SSPN: variants seen among roughly 807,000 people sequenced by gnomAD.
SSPN encodes the protein sarcospan.
SSPN carries 15 observed loss-of-function variants against 19.1 expected under a neutral mutation model. The ratio of observed to expected loss-of-function variants is 0.78; its 90% CI spans 0.52 to 1.21. The LOEUF (loss-of-function observed/expected upper bound fraction) is 1.21, where lower values mean the gene tolerates loss of function less well. SSPN is among the 50% of genes most tolerant of loss of function. The pLI, the probability that SSPN is intolerant of heterozygous loss-of-function variation, is 0.00. For synonymous variants in SSPN, 147 were observed against 140.3 expected (o/e 1.05, Z -0.34); for missense variants, 291 against 314.0 (o/e 0.93, Z 0.55).
intron 1 of SSPN, among the ~76,000 whole-genome samples, chr12:26,211,985 C>G (rs565092618): frequency 1.3e-3 from 200 of 152,236 alleles, no homozygotes; most frequent in South Asian, 2.3e-3. Context: ...CCAATCAGAA[C>G]TTTTATCACA....
intron 1 of SSPN, chr12:26,122,418 A>G (rs1451143377): frequency 1.1e-4 from 142 of 1,319,126 alleles, no homozygotes; most frequent in Non-Finnish European, 1.3e-4. Flanking sequence ...CTTGTCCAGG[A>G]AGGGCTGCAC....
chr12:26,156,656 A>G (rs751485627), intron 1 of SSPN, among the ~76,000 whole-genome samples: 1 of 152,210 alleles, frequency 6.6e-6, no homozygotes, highest in Non-Finnish European at 1.5e-5. Flanking sequence ...AAGATTCCAG[A>G]CAATTGACAC....
Position 26,195,894 on chromosome 12 carries a change from G to A in SSPN, c.222G>A (p.Met74Ile), listed in dbSNP as rs142449262. 1.9e-6 allele frequency: 3 copies of A among 1,578,574 alleles called. No homozygotes were observed. Among genetic ancestry groups the A allele is most frequent in the Non-Finnish European group, 2.6e-6 (3 of 1,165,264 alleles). Residue 74 changes from methionine to isoleucine, a missense_variant, in exon 1 of 3, where the codon ATG becomes ATA. Transcript: ENST00000242729. ...GIAVTVVGFL[M>I]ASISSSLLVR... Reference sequence around the variant, plus strand: ...CCGTGACCGTGGTGGGCTTCCTCATGGCGAGCATCAGCTCCTCCCTGCTAG... The same window carrying A: ...CCGTGACCGTGGTGGGCTTCCTCATAGCGAGCATCAGCTCCTCCCTGCTAG...
intron 1 of SSPN, among the ~76,000 whole-genome samples, chr12:26,163,194 G>T (rs1341290660): frequency 1.3e-5 from 2 of 152,062 alleles, no homozygotes; most frequent in Admixed American, 6.6e-5. Context: ...AAGAGGGAAG[G>T]TGTAGACCTG....
intron 1 of SSPN, among the ~76,000 whole-genome samples, chr12:26,199,065 A>G (rs569555529): frequency 7.2e-5 from 11 of 152,292 alleles, no homozygotes; most frequent in Admixed American, 5.9e-4. Flanking sequence ...TCATGTGGTC[A>G]TCACTTCATT....
At chr12:26,223,346 G>A (rs1222847517) in intron 1 of SSPN, among the ~76,000 whole-genome samples, 1 of 152,170 alleles carries the variant, frequency 6.6e-6, no homozygotes, top group Non-Finnish European at 1.5e-5. Context: ...GAGTACCTGG[G>A]ATTACAGGTG....
intron 1 of SSPN, among the ~76,000 whole-genome samples, chr12:26,141,542 C>G (rs192401813): frequency 6.6e-6 from 1 of 152,320 alleles, no homozygotes; most frequent in Non-Finnish European, 1.5e-5. Flanking sequence ...ACAACTTTCT[C>G]CTCTAGATCC....
At chr12:26,199,102 T>A (rs1473383236) in intron 1 of SSPN, among the ~76,000 whole-genome samples, 1 of 152,212 alleles carries the variant, frequency 6.6e-6, no homozygotes, top group Non-Finnish European at 1.5e-5. Flanking sequence ...CCCATTAACT[T>A]GGAATTTGGG....
At chr12:26,155,983 A>G (rs957471473) in intron 1 of SSPN, among the ~76,000 whole-genome samples, 1 of 152,212 alleles carries the variant, frequency 6.6e-6, no homozygotes, top group Non-Finnish European at 1.5e-5. Flanking sequence ...GGGCTGAGAA[A>G]AGATGATGAA....
At chr12:26,133,035 T>C (rs1944405082) in intron 1 of SSPN, among the ~76,000 whole-genome samples, 2 of 152,222 alleles carry the variant, frequency 1.3e-5, no homozygotes. Context: ...AATGGTTTCA[T>C]ACAAGAATAT....
chr12:26,208,867 A>G (rs4963972), intron 1 of SSPN, among the ~76,000 whole-genome samples: 24,680 of 152,050 alleles, frequency 0.16, 2,702 homozygotes, highest in Admixed American at 0.31. Context: ...TCAAGTTTCC[A>G]TATTAGATTT....
chr12:26,185,541 A>G (rs1469782603), intron 1 of SSPN, among the ~76,000 whole-genome samples: 1 of 152,186 alleles, frequency 6.6e-6, no homozygotes, highest in Non-Finnish European at 1.5e-5. Context: ...GCAGGGGAGA[A>G]AAGAAGTGAC....
chr12:26,178,197 C>T (rs534418720), intron 1 of SSPN, among the ~76,000 whole-genome samples: 88 of 152,214 alleles, frequency 5.8e-4, no homozygotes, highest in Non-Finnish European at 1.2e-3. Flanking sequence ...AAAGCGTAGA[C>T]TCTGAAGCCA....
rs577172272 is a variant in SSPN at position 26,126,819 on chromosome 12, C to T, written c.-31+4667C>T. ...GGGCCTTTTAAGGTCTCTCGACTTC[C>T]TCAAATAGAGGAACGTATTTTGCAC... On this transcript the variant is annotated intron_variant, in intron 1 of 2. Transcript: ENST00000538142. 2.3e-4 allele frequency among the ~76,000 whole-genome samples: 35 copies of T among 152,354 alleles called. No homozygotes were observed. In the South Asian group the frequency reaches 4.1e-3, roughly 18 times the overall value.
intron 1 of SSPN, among the ~76,000 whole-genome samples, chr12:26,196,834 A>G (rs984451628): frequency 6.6e-6 from 1 of 152,238 alleles, no homozygotes; most frequent in Non-Finnish European, 1.5e-5. Context: ...TGGGTAAAGC[A>G]TTCAGCCATG....
intron 1 of SSPN, chr12:26,126,276 G>A (rs1180700654): frequency 6.5e-6 from 1 of 152,678 alleles, no homozygotes; most frequent in Non-Finnish European, 1.5e-5. Flanking sequence ...GCCAGCCCAG[G>A]GGAAGGCATG....
intron 1 of SSPN, among the ~76,000 whole-genome samples, chr12:26,216,386 C>T (rs1945049899): frequency 6.6e-6 from 1 of 151,726 alleles, no homozygotes; most frequent in South Asian, 2.1e-4. Context: ...TGAGAAGTGT[C>T]TGTTCATGTC....
At chr12:26,132,442 G>A (rs1474101830) in intron 1 of SSPN, among the ~76,000 whole-genome samples, 1 of 152,180 alleles carries the variant, frequency 6.6e-6, no homozygotes, top group African/African-American at 2.4e-5. Context: ...AAAAAAGCCT[G>A]CTTTTTGGTA....
chr12:26,206,798 C>G (rs1223335756), intron 1 of SSPN, among the ~76,000 whole-genome samples: 1 of 152,232 alleles, frequency 6.6e-6, no homozygotes, highest in Non-Finnish European at 1.5e-5. Flanking sequence ...GATTCTCTTA[C>G]ATTCTTTGGA....
Sources: gnomAD v4.1 joint callset for allele counts (sites outside exome capture counted in the v4.1 genomes callset) on GRCh38, gnomAD v4.1.1 for gene constraint, MANE v1.5 for transcripts, NCBI Gene and HGNC (gene_info 2026-07-23, HGNC 2026-07-21) for gene names.